Variants in FAM171A1 observed in about 807,000 individuals in gnomAD.
The protein encoded by FAM171A1 is family with sequence similarity 171 member A1, also known as protein FAM171A1.
FAM171A1 carries 23 observed loss-of-function variants against 74.9 expected under a neutral mutation model. That is an observed-to-expected ratio of 0.31 (90% CI 0.22 to 0.44). The LOEUF (loss-of-function observed/expected upper bound fraction) is 0.44, where lower values mean the gene tolerates loss of function less well. FAM171A1 is among the 20% of genes least tolerant of loss of function. The pLI is 1.00. For missense variants in FAM171A1, 1,162 were observed against 1,159.2 expected (o/e 1.00, Z -0.03); for synonymous variants, 527 against 505.7 (o/e 1.04, Z -0.57).
intron 1 of FAM171A1, among the ~76,000 whole-genome samples, chr10:15,360,699 T>A (rs1279134474): frequency 5.3e-5 from 8 of 152,204 alleles, no homozygotes; most frequent in Non-Finnish European, 1.2e-4. Flanking sequence ...GAGACCTGAT[T>A]TCAAGCTGTC....
rs530155042 is a variant in FAM171A1 at position 15,345,864 on chromosome 10, G to C, written c.97+25092C>G. Among the ~76,000 whole-genome samples, 12 of 152,286 alleles carry C rather than the reference G, an allele frequency of 7.9e-5. No homozygotes were observed. The East Asian group carries it at 2.3e-3, about 29-fold the overall frequency. On this transcript the variant is annotated intron_variant, in intron 1 of 7. Transcript: ENST00000378116. ...AGAGAGGCCCCTGCCGTGGACAGCA[G>C]GACAGACTCCTGGGGTGACGGAGGC...
At position 15,211,826 on chromosome 10, in the gene FAM171A1, G is replaced by A. The variant is rs1833893373; in HGVS notation, c.*1089C>T. On this transcript the variant is annotated 3_prime_UTR_variant, in exon 8 of 8. Transcript: ENST00000378116. The stretch of plus-strand genomic sequence containing the variant: ...CTTGCTCAAACCAGACTCCCACATT[G>A]GGTGAGCAAGATGAGCCCATAGGAT... 1 of 151,738 alleles carries A rather than the reference G, an allele frequency of 6.6e-6. No homozygotes were observed. Among genetic ancestry groups the A allele is most frequent in the East Asian group, 1.9e-4 (1 of 5,166 alleles). 9.4% of individuals were successfully genotyped at this position (151,738 alleles called of 1,614,324 possible). A position where few individuals can be genotyped will look rare whatever the true frequency, so the allele number is the denominator to read the frequency against.
intron 1 of FAM171A1, among the ~76,000 whole-genome samples, chr10:15,312,596 C>A (rs11593428): frequency 7.1e-6 from 1 of 141,658 alleles, no homozygotes; most frequent in Non-Finnish European, 1.5e-5. Flanking sequence ...CGGCTGCAAA[C>A]TGAACTGTTT....
At chr10:15,237,258 A>G (rs902061914) in intron 5 of FAM171A1, among the ~76,000 whole-genome samples, 6 of 152,218 alleles carry the variant, frequency 3.9e-5, no homozygotes, top group South Asian at 2.1e-4. Context: ...CTAGTTCTAC[A>G]TAAAATGATA....
chr10:15,306,218 G>C (rs998491683), intron 1 of FAM171A1, among the ~76,000 whole-genome samples: 1 of 152,208 alleles, frequency 6.6e-6, no homozygotes, highest in Non-Finnish European at 1.5e-5. Context: ...TTCAATTCAG[G>C]TGTTTCACTG....
intron 1 of FAM171A1, among the ~76,000 whole-genome samples, chr10:15,365,385 C>T (rs1433077176): frequency 6.6e-6 from 1 of 152,152 alleles, no homozygotes; most frequent in Non-Finnish European, 1.5e-5. Context: ...GCTATGACAT[C>T]AACTAAAGAT....
At chr10:15,349,169 C>T (rs1316489537) in intron 1 of FAM171A1, among the ~76,000 whole-genome samples, 1 of 152,126 alleles carries the variant, frequency 6.6e-6, no homozygotes, top group East Asian at 1.9e-4. Flanking sequence ...TCCAGAAAAA[C>T]GGCATGTAAT....
chr10:15,222,991 C>T (rs1382983171), intron 5 of FAM171A1, among the ~76,000 whole-genome samples: 1 of 152,206 alleles, frequency 6.6e-6, no homozygotes, highest in Non-Finnish European at 1.5e-5. Context: ...TAGAAATCAC[C>T]CTGTTCTACA....
chr10:15,244,804 C>A (rs1225131132), intron 5 of FAM171A1, among the ~76,000 whole-genome samples: 3 of 152,078 alleles, frequency 2.0e-5, no homozygotes, highest in Non-Finnish European at 2.9e-5. Flanking sequence ...CACCCGCATA[C>A]CGTGCCGTTC....
In FAM171A1 at chr10:15,213,415, T is replaced by C. The variant is rs772071145; in HGVS notation, c.2173A>G (p.Ile725Val). ...RSNAHVRHSY[I>V]DLQRAGRNGS... is the part of the protein sequence containing the mutation. ...TTCCTTCCAGCTCTTTGGAGATCAA[T>C]GTATGAATGTCTAACGTGAGCGTTG... The change falls in exon 8 of 8, where the codon ATT (isoleucine) becomes GTT (valine). Residue 725 changes from isoleucine to valine, a missense_variant. Ile to Val is a conservative substitution (Grantham distance 29, BLOSUM62 3). Transcript: ENST00000378116. This position sits in a 1 kb window ranked among gnomAD's most constrained non-coding sequence, Gnocchi z 6.8. The C allele has an allele frequency of 1.1e-5, 17 of 1,614,110 alleles. No homozygotes were observed. The Middle Eastern group carries it at 4.9e-4, about 47-fold the overall frequency.
intron 1 of FAM171A1, among the ~76,000 whole-genome samples, chr10:15,293,940 G>GA (rs1470576556): frequency 6.6e-6 from 1 of 152,296 alleles, no homozygotes; most frequent in South Asian, 2.1e-4. Flanking sequence ...CTAAGAAGGA[G>GA]AAAAAATGGG....
At chr10:15,331,879 A>G (rs1239350275) in intron 1 of FAM171A1, among the ~76,000 whole-genome samples, 3 of 107,752 alleles carry the variant, frequency 2.8e-5, no homozygotes, top group African/African-American at 1.3e-4. Context: ...GTGTGTGTAT[A>G]CATATATATA....
chr10:15,227,002 T>C (rs1400651762), intron 5 of FAM171A1, among the ~76,000 whole-genome samples: 1 of 152,110 alleles, frequency 6.6e-6, no homozygotes, highest in African/African-American at 2.4e-5. Context: ...GGAACAGTGA[T>C]ACATATATTT....
chr10:15,272,216 C>CA (rs1016325932), intron 3 of FAM171A1, among the ~76,000 whole-genome samples: 14 of 150,748 alleles, frequency 9.3e-5, no homozygotes, highest in African/African-American at 3.4e-4. Flanking sequence ...AGAAAACAAA[C>CA]AAACAAAAAA....
chr10:15,227,023 A>G (rs949069841), intron 5 of FAM171A1, among the ~76,000 whole-genome samples: 4 of 152,190 alleles, frequency 2.6e-5, no homozygotes, highest in African/African-American at 9.7e-5. Flanking sequence ...CTTTTTAGAC[A>G]GAGTCTCATT....
chr10:15,324,179 A>G (rs1024164870), intron 1 of FAM171A1, among the ~76,000 whole-genome samples: 1 of 152,170 alleles, frequency 6.6e-6, no homozygotes, highest in African/African-American at 2.4e-5. Flanking sequence ...CCTGGTTCTG[A>G]TTAATGGAGA....
chr10:15,256,566 C>T (rs991955702), intron 3 of FAM171A1, among the ~76,000 whole-genome samples: 1 of 152,244 alleles, frequency 6.6e-6, no homozygotes, highest in African/African-American at 2.4e-5. Flanking sequence ...TAAACAGACA[C>T]AGACATTAGT....
chr10:15,317,988 TCTCA>T (rs1162002119), intron 1 of FAM171A1, among the ~76,000 whole-genome samples: 1 of 152,098 alleles, frequency 6.6e-6, no homozygotes, highest in Non-Finnish European at 1.5e-5. Context: ...AGAGATGGGG[TCTCA>T]CTATGTTGCC....
intron 1 of FAM171A1, among the ~76,000 whole-genome samples, chr10:15,286,947 T>G (rs1422021808): frequency 6.6e-6 from 1 of 151,974 alleles, no homozygotes; most frequent in African/African-American, 2.4e-5. Flanking sequence ...CTTGGCTACT[T>G]CATACTATAG....
Sources: gnomAD v4.1 joint callset for allele counts (sites outside exome capture counted in the v4.1 genomes callset) on GRCh38, gnomAD v4.1.1 for gene constraint, Gnocchi (gnomAD v3.1) non-coding constraint, MANE v1.5 for transcripts, NCBI Gene and HGNC (gene_info 2026-07-23, HGNC 2026-07-21) for gene names.